RANBP2: variants seen among roughly 807,000 people sequenced by gnomAD.
RANBP2 encodes E3 SUMO-protein ligase RanBP2.
In RANBP2, 57 loss-of-function variants were observed where a neutral mutation model predicts 303.6. The ratio of observed to expected loss-of-function variants is 0.19; its 90% CI spans 0.15 to 0.23. The LOEUF is 0.23. Among genes scored for constraint, RANBP2 ranks in the 10% least tolerant of loss-of-function variants. The pLI is 1.00. For synonymous variants in RANBP2, 1,167 were observed against 1,301.5 expected (o/e 0.90, Z 2.23); for missense variants, 3,138 against 3,780.8 (o/e 0.83, Z 4.46).
At chr2:109,652,513 G>T in the RANBP2 span, among the ~76,000 whole-genome samples, 1 of 152,076 alleles carries the variant, frequency 6.6e-6, no homozygotes, top group African/African-American at 2.4e-5. Flanking sequence ...GTTAAAAAAG[G>T]TTTTGTCTCT....
the RANBP2 span, among the ~76,000 whole-genome samples, chr2:109,363,361 T>C: frequency 6.6e-6 from 1 of 152,198 alleles, no homozygotes; most frequent in Non-Finnish European, 1.5e-5. Flanking sequence ...ATAATACTTA[T>C]TTCTCCCTCC....
the RANBP2 span, among the ~76,000 whole-genome samples, chr2:109,001,422 G>A: frequency 3.3e-5 from 5 of 152,220 alleles, no homozygotes; most frequent in South Asian, 2.1e-4. Context: ...TCAGATGGGT[G>A]GCAGGCAGTA....
At chr2:109,412,860 G>A in the RANBP2 span, among the ~76,000 whole-genome samples, 1 of 152,200 alleles carries the variant, frequency 6.6e-6, no homozygotes, top group Admixed American at 6.5e-5. Context: ...GAAAATACAC[G>A]TATCACTGTC....
the RANBP2 span, among the ~76,000 whole-genome samples, chr2:109,779,207 C>G: frequency 0.011 from 800 of 75,294 alleles, 2 homozygotes; most frequent in East Asian, 0.044. Context: ...TGGGAGGTTC[C>G]TTTGGAGCAA....
chr2:109,112,034 G>T, the RANBP2 span, among the ~76,000 whole-genome samples: 6 of 152,024 alleles, frequency 3.9e-5, no homozygotes, highest in Admixed American at 6.6e-5. Context: ...GTGTATCGTT[G>T]TTGGACATTT....
the RANBP2 span, among the ~76,000 whole-genome samples, chr2:109,108,652 T>C: frequency 6.6e-6 from 1 of 152,148 alleles, no homozygotes; most frequent in Admixed American, 6.5e-5. Flanking sequence ...ACATACAGGA[T>C]AAAGAATTCT....
At chr2:109,585,841 G>C in the RANBP2 span, 1 of 1,606,530 alleles carries the variant, frequency 6.2e-7, no homozygotes, top group South Asian at 1.1e-5. Context: ...TCTCTTTTCT[G>C]AAGGAAAATA....
chr2:109,224,028 G>A, the RANBP2 span, among the ~76,000 whole-genome samples: 3 of 152,156 alleles, frequency 2.0e-5, no homozygotes, highest in Admixed American at 2.0e-4. Context: ...AATAAAATCT[G>A]TCCACATGGC....
the RANBP2 span, among the ~76,000 whole-genome samples, chr2:109,272,491 C>T: frequency 3.9e-5 from 6 of 152,206 alleles, no homozygotes; most frequent in African/African-American, 1.2e-4. Context: ...GAGCCCCCTT[C>T]GCCTCTAACT....
chr2:109,542,470 G>A, the RANBP2 span, among the ~76,000 whole-genome samples: 1 of 152,154 alleles, frequency 6.6e-6, no homozygotes, highest in Admixed American at 6.6e-5. Flanking sequence ...TTCAAAGTAC[G>A]TTCTTCAGAG....
the RANBP2 span, among the ~76,000 whole-genome samples, chr2:108,898,587 TAAAAA>T: frequency 6.6e-6 from 1 of 151,426 alleles, no homozygotes; most frequent in African/African-American, 2.4e-5. Context: ...GTCAAATGAG[TAAAAA>T]AAGAAAATCA....
the RANBP2 span, chr2:109,545,478 G>A: frequency 1.0e-4 from 161 of 1,536,010 alleles, 1 homozygote; most frequent in African/African-American, 1.5e-3. Context: ...GCGTCTTTAC[G>A]TCCACCATTG....
the RANBP2 span, among the ~76,000 whole-genome samples, chr2:109,397,419 T>G: frequency 1.3e-5 from 2 of 152,156 alleles, no homozygotes; most frequent in Non-Finnish European, 2.9e-5. Context: ...AGTATCATAG[T>G]TTCTTCCCAG....
the RANBP2 span, among the ~76,000 whole-genome samples, chr2:109,423,796 A>G: frequency 6.6e-6 from 1 of 152,164 alleles, no homozygotes; most frequent in Non-Finnish European, 1.5e-5. Flanking sequence ...GATGCGACCA[A>G]GAATATGAGA....
At chr2:109,160,076 G>C in the RANBP2 span, among the ~76,000 whole-genome samples, 3 of 152,212 alleles carry the variant, frequency 2.0e-5, no homozygotes, top group Non-Finnish European at 4.4e-5. Context: ...GTGCCAAAAA[G>C]GTTGGAGACT....
chr2:109,450,914 A>T, the RANBP2 span, among the ~76,000 whole-genome samples: 1 of 152,194 alleles, frequency 6.6e-6, no homozygotes, highest in Non-Finnish European at 1.5e-5. Context: ...TGGACACTAG[A>T]TGGTGTGTTC....
chr2:108,975,075 G>A, the RANBP2 span, among the ~76,000 whole-genome samples: 7,049 of 152,246 alleles, frequency 0.046, 225 homozygotes, highest in Non-Finnish European at 0.071. Flanking sequence ...GCTTTTCCAC[G>A]GAGCCTAGCC....
In RANBP2 at chr2:108,766,507, G is replaced by A. The variant is rs201073619; in HGVS notation, c.5968G>A (p.Ala1990Thr). ...SSQYGKMANKANTSGDFEKDD... is the reference protein window; with the variant it reads ...SSQYGKMANKTNTSGDFEKDD... ...ACAATACGGTAAAATGGCCAATAAA[G>A]CAAACACTTCCGGTGACTTTGAGAA... The change falls in exon 20 of 29, where the codon GCA becomes ACA. Residue 1990 changes from alanine to threonine, a missense_variant. By Grantham distance (58) the Ala-to-Thr change is moderately conservative. Around this residue, in one of 20 missense-constraint regions of RANBP2, gnomAD observed 348 missense variants for 360.4 expected, o/e 0.97. Transcript: ENST00000283195. 5.6e-6 allele frequency: 9 copies of A among 1,611,878 alleles called. No homozygotes were observed. The highest frequency in any genetic ancestry group is 7.6e-6 in the Non-Finnish European group (9 of 1,179,820).
the RANBP2 span, among the ~76,000 whole-genome samples, chr2:108,916,321 G>A: frequency 3.3e-5 from 5 of 152,232 alleles, no homozygotes; most frequent in East Asian, 5.8e-4. Context: ...GTCGGGGCTC[G>A]CAGGCTGCTT....
Sources: gnomAD v4.1 joint callset for allele counts (sites outside exome capture counted in the v4.1 genomes callset) on GRCh38, gnomAD v4.1.1 for gene constraint, gnomAD v4.1.1 regional missense constraint, MANE v1.5 for transcripts, NCBI Gene and HGNC (gene_info 2026-07-23, HGNC 2026-07-21) for gene names.